Variants in COL27A1 observed in about 807,000 individuals in gnomAD.
COL27A1 encodes collagen alpha-1(XXVII) chain.
A neutral mutation model predicts 251.3 loss-of-function variants in COL27A1; 106 were observed. The observed-to-expected ratio is 0.42, with a 90% CI of 0.36 to 0.50. The LOEUF (loss-of-function observed/expected upper bound fraction) is 0.50. Among genes scored for constraint, COL27A1 ranks in the 20% least tolerant of loss-of-function variants. The probability of loss-of-function intolerance (pLI) is 0.00; values close to 1 mark genes in which losing one functional copy is unlikely to be tolerated. For synonymous variants in COL27A1, 1,000 were observed against 986.3 expected, an observed-to-expected ratio of 1.01 and a Z score of -0.26; for missense variants, 2,325 against 2,522.8, an observed-to-expected ratio of 0.92 and a Z score of 1.68.
chr9:114,218,352 C>T (rs1830851384), intron 12 of COL27A1: 1 of 158,164 alleles, frequency 6.3e-6, no homozygotes, highest in Non-Finnish European at 1.4e-5. Flanking sequence ...CCTCTGCAAC[C>T]AGTTGGACAC....
At chr9:114,281,420 AGG>A (rs1410456095) in intron 37 of COL27A1, among the ~76,000 whole-genome samples, 1 of 152,250 alleles carries the variant, frequency 6.6e-6, no homozygotes, top group East Asian at 1.9e-4. Flanking sequence ...AGGGCAGGGC[AGG>A]GCAGATCAGG....
Position 114,194,450 on chromosome 9 carries a change from G to C in COL27A1, c.2063G>C (p.Gly688Ala), listed in dbSNP as rs1564453269. 1.9e-6 allele frequency: 3 copies of C among 1,612,640 alleles called. No homozygotes were observed. Among genetic ancestry groups the C allele is most frequent in the Non-Finnish European group, 2.5e-6 (3 of 1,179,430 alleles). ...CTCTCACCAGGAAAGGCCCACGATG[G>C]GGCAAAGGTAGGTTTCCAGGGACCC... is the stretch of plus-strand genomic sequence containing the variant. ...PGLSPGKAHD[G>A]AKGDMGLPGL... Residue 688 changes from glycine to alanine, a missense_variant, in exon 6 of 61, where the codon GGG becomes GCG. This residue lies in a region of COL27A1 where 1,183 missense variants were observed against 1,144.1 expected (regional missense o/e 1.03). Coordinates refer to ENST00000356083, the MANE Select transcript of COL27A1 (RefSeq NM_032888.4).
At position 114,291,608 on chromosome 9, in the gene COL27A1, G is replaced by C. The variant is rs111231666; in HGVS notation, c.4477-495G>C. 3.2e-4 allele frequency among the ~76,000 whole-genome samples: 48 copies of C among 152,300 alleles called. 1 individual carries two copies. Among genetic ancestry groups the C allele is most frequent in the African/African-American group, 1.1e-3 (45 of 41,580 alleles). On this transcript the variant is annotated intron_variant, in intron 48 of 60. Coordinates refer to ENST00000356083, the MANE Select transcript of COL27A1 (RefSeq NM_032888.4). ...TACTAAAAATACAAAAATTAGCTGG[G>C]CATGGTGGCAGGCACCTGTAGTCCC...
At chr9:114,211,524 G>A (rs912522293) in intron 12 of COL27A1, among the ~76,000 whole-genome samples, 7 of 152,240 alleles carry the variant, frequency 4.6e-5, no homozygotes, top group Non-Finnish European at 8.8e-5. Context: ...GGGGCTCAGC[G>A]GTGACCCCCA....
Position 114,178,361 on chromosome 9 carries a change from T to C in COL27A1, c.1962+17T>C, listed in dbSNP as rs369455576. 8.7e-6 allele frequency: 14 copies of C among 1,613,016 alleles called. No individual in the cohort carries two copies. Among genetic ancestry groups the C allele is most frequent in the Middle Eastern group, 1.6e-4 (1 of 6,074 alleles). The stretch of plus-strand genomic sequence containing the variant: ...GGGCCTCGGGTGAGTTATCTCACAC[T>C]GTCCTTTGGAACTCTTGGTGGCTCT... On this transcript the variant is annotated intron_variant, in intron 4 of 60. Transcript: ENST00000356083.
intron 27 of COL27A1, among the ~76,000 whole-genome samples, chr9:114,257,075 C>G (rs1465603413): frequency 6.6e-6 from 1 of 152,220 alleles, no homozygotes. Flanking sequence ...AGCCCCTCCA[C>G]AGCAGCTGTT....
At chr9:114,270,632 T>G in intron 35 of COL27A1, 96 bp from the exon 36 acceptor site, 1 of 938,706 alleles carries the variant, frequency 1.1e-6, no homozygotes, top group Non-Finnish European at 1.7e-6. Context: ...GATCCATGGG[T>G]CAGGGTCCTG....
chr9:114,274,606 T>C (rs1835366481), intron 36 of COL27A1, among the ~76,000 whole-genome samples: 1 of 152,158 alleles, frequency 6.6e-6, no homozygotes, highest in African/African-American at 2.4e-5. Flanking sequence ...CTGCAGCCAA[T>C]AAGAATGATC....
intron 37 of COL27A1, among the ~76,000 whole-genome samples, chr9:114,280,190 T>C (rs1835815059): frequency 6.6e-6 from 1 of 151,826 alleles, no homozygotes; most frequent in Non-Finnish European, 1.5e-5. Context: ...AGCAACCTAA[T>C]TGGGTGTGTC....
chr9:114,233,428 C>CA (rs974778235), intron 16 of COL27A1, among the ~76,000 whole-genome samples: 1 of 152,204 alleles, frequency 6.6e-6, no homozygotes, highest in Non-Finnish European at 1.5e-5. Context: ...CCTCCAGCCA[C>CA]AACCCACCTC....
intron 10 of COL27A1, among the ~76,000 whole-genome samples, chr9:114,207,474 G>A (rs1238510487): frequency 1.3e-5 from 2 of 152,244 alleles, no homozygotes; most frequent in African/African-American, 4.8e-5. Flanking sequence ...TCCAGCCCCA[G>A]TCCTGATCTC....
intron 13 of COL27A1, among the ~76,000 whole-genome samples, chr9:114,220,808 AC>A (rs1831048281): frequency 6.6e-6 from 1 of 152,160 alleles, no homozygotes; most frequent in Non-Finnish European, 1.5e-5. Context: ...ACCCTGGCCA[AC>A]ATGGCAAAAC....
In COL27A1 at chr9:114,266,562, C is replaced by T. The variant is rs1439106234; in HGVS notation, c.3394-3C>T. On this transcript the variant is annotated splice_polypyrimidine_tract_variant and splice_region_variant and intron_variant, in intron 32 of 60. Transcript: ENST00000356083. ...ACTGTCTGTGTGTCTGTCTGTCTTCCAGGGCCCTCAGGGACCCCAGGGGCC... is the reference window on the plus strand; with the variant it reads ...ACTGTCTGTGTGTCTGTCTGTCTTCTAGGGCCCTCAGGGACCCCAGGGGCC... 6 of 1,613,286 alleles carry T rather than the reference C, an allele frequency of 3.7e-6. No individual in the cohort carries two copies. The highest frequency in any genetic ancestry group is 5.1e-6 in the Non-Finnish European group (6 of 1,179,462).
intron 49 of COL27A1, among the ~76,000 whole-genome samples, chr9:114,296,816 G>C (rs901975746): frequency 8.5e-5 from 13 of 152,106 alleles, no homozygotes; most frequent in African/African-American, 2.9e-4. Flanking sequence ...ATGTGTATCA[G>C]CCGGTGAATA....
intron 34 of COL27A1, among the ~76,000 whole-genome samples, chr9:114,268,055 A>T (rs1420366477): frequency 6.6e-6 from 1 of 152,182 alleles, no homozygotes; most frequent in Non-Finnish European, 1.5e-5. Context: ...ACCCCCTTCC[A>T]TGCCTAAGTC....
intron 49 of COL27A1, among the ~76,000 whole-genome samples, chr9:114,292,786 G>T (rs903469127): frequency 2.0e-5 from 3 of 152,184 alleles, no homozygotes; most frequent in Admixed American, 6.5e-5. Flanking sequence ...ATCCCAAACA[G>T]CTGGAGTAGC....
chr9:114,217,424 G>GCTGGCCAGC (rs147919755), intron 12 of COL27A1, among the ~76,000 whole-genome samples: 2,400 of 152,236 alleles, frequency 0.016, 73 homozygotes, highest in African/African-American at 0.054. Flanking sequence ...CTTGGGGCAG[G>GCTGGCCAGC]CTGGCCAGCC....
chr9:114,183,558 G>A (rs1828105020), intron 5 of COL27A1, among the ~76,000 whole-genome samples: 1 of 152,244 alleles, frequency 6.6e-6, no homozygotes, highest in Middle Eastern at 3.4e-3. Context: ...CAACTTAGGG[G>A]TGTGGGAGGA....
chr9:114,186,167 C>T (rs1828324111), intron 5 of COL27A1, among the ~76,000 whole-genome samples: 1 of 152,240 alleles, frequency 6.6e-6, no homozygotes, highest in Non-Finnish European at 1.5e-5. Context: ...GAGTCCAAGG[C>T]TTTGCCTATC....
Sources: gnomAD v4.1 joint callset for allele counts (sites outside exome capture counted in the v4.1 genomes callset) on GRCh38, gnomAD v4.1.1 for gene constraint, gnomAD v4.1.1 regional missense constraint, MANE v1.5 for transcripts, NCBI Gene and HGNC (gene_info 2026-07-23, HGNC 2026-07-21) for gene names.